Variants in SCMH1 observed in about 807,000 individuals in gnomAD.
SCMH1 encodes the protein polycomb protein SCMH1.
A neutral mutation model predicts 70.8 loss-of-function variants in SCMH1; 37 were observed. The ratio of observed to expected loss-of-function variants is 0.52; its 90% CI spans 0.40 to 0.69. SCMH1 has a LOEUF of 0.69. SCMH1 is among the 30% of genes least tolerant of loss of function. SCMH1 has a pLI of 0.00. For synonymous variants in SCMH1, 292 were observed against 307.4 expected (o/e 0.95, Z 0.52); for missense variants, 607 against 827.3 (o/e 0.73, Z 3.27).
At chr1:41,154,885 C>T (rs1284043027) in intron 4 of SCMH1, among the ~76,000 whole-genome samples, 2 of 152,058 alleles carry the variant, frequency 1.3e-5, no homozygotes, top group Admixed American at 1.3e-4. Flanking sequence ...CCTCTATGTG[C>T]CAGGCAATAT....
chr1:41,197,857 A>G (rs1166846674), intron 1 of SCMH1, among the ~76,000 whole-genome samples: 1 of 152,140 alleles, frequency 6.6e-6, no homozygotes, highest in Non-Finnish European at 1.5e-5. Flanking sequence ...TCCTCTATCA[A>G]CTTTCTTTAT....
At chr1:41,128,467 C>A (rs1673778908) in intron 6 of SCMH1, among the ~76,000 whole-genome samples, 1 of 152,160 alleles carries the variant, frequency 6.6e-6, no homozygotes, top group South Asian at 2.1e-4. Context: ...CCTTTTAGAA[C>A]TTAAAAATGC....
chr1:41,197,705 C>A (rs943930220), intron 1 of SCMH1, among the ~76,000 whole-genome samples: 44 of 150,252 alleles, frequency 2.9e-4, no homozygotes, highest in African/African-American at 8.0e-4. Context: ...TAAAAAAAAA[C>A]AGGCAACAGG....
intron 8 of SCMH1, among the ~76,000 whole-genome samples, chr1:41,105,799 C>A (rs949548777): frequency 6.6e-6 from 1 of 152,104 alleles, no homozygotes; most frequent in Non-Finnish European, 1.5e-5. Flanking sequence ...CTGAATCCGT[C>A]CTTTCATTGT....
chr1:41,233,654 T>A (rs1012710279), intron 1 of SCMH1, among the ~76,000 whole-genome samples: 4 of 152,208 alleles, frequency 2.6e-5, no homozygotes, highest in Admixed American at 6.5e-5. Flanking sequence ...TTCCTTACTG[T>A]AACTTACAGC....
exon 9 of SCMH1, chr1:41,075,373 A>G: frequency 1.9e-6 from 3 of 1,614,018 alleles, no homozygotes; most frequent in Non-Finnish European, 2.5e-6. Flanking sequence ...ATGTTCCAAG[A>G]CAGTTTTGGT....
At chr1:41,155,151 C>G (rs1244827463) in intron 4 of SCMH1, among the ~76,000 whole-genome samples, 2 of 152,076 alleles carry the variant, frequency 1.3e-5, no homozygotes, top group Admixed American at 1.3e-4. Context: ...TTTATAAACT[C>G]TGATGCATAC....
intron 12 of SCMH1, among the ~76,000 whole-genome samples, chr1:41,045,522 A>AG (rs1249701920): frequency 6.6e-6 from 1 of 152,160 alleles, no homozygotes; most frequent in Non-Finnish European, 1.5e-5. Context: ...AAAAGACACC[A>AG]GGGAAGGCAG....
chr1:41,132,036 G>A (rs908512320), intron 6 of SCMH1, among the ~76,000 whole-genome samples: 7 of 152,180 alleles, frequency 4.6e-5, no homozygotes, highest in Non-Finnish European at 1.0e-4. Flanking sequence ...ATAGTAGCAT[G>A]ATTCATAATC....
chr1:41,140,529 G>A (rs1409269569), intron 6 of SCMH1, among the ~76,000 whole-genome samples: 2 of 152,064 alleles, frequency 1.3e-5, no homozygotes, highest in Admixed American at 6.6e-5. Context: ...CTGACCTTGC[G>A]ATCTGCCCGC....
At chr1:41,109,817 G>A (rs760508591) in intron 8 of SCMH1, among the ~76,000 whole-genome samples, 1 of 152,190 alleles carries the variant, frequency 6.6e-6, no homozygotes, top group Non-Finnish European at 1.5e-5. Flanking sequence ...CAGCCAAAAA[G>A]GAATGCATAT....
chr1:41,226,074 C>T (rs1220047028), intron 1 of SCMH1, among the ~76,000 whole-genome samples: 1 of 152,114 alleles, frequency 6.6e-6, no homozygotes, highest in Non-Finnish European at 1.5e-5. Flanking sequence ...TGTTTGTTAC[C>T]TGTTTGCAAA....
intron 1 of SCMH1, among the ~76,000 whole-genome samples, chr1:41,235,133 T>C (rs979296733): frequency 5.3e-5 from 8 of 152,156 alleles, no homozygotes; most frequent in Non-Finnish European, 8.8e-5. Context: ...AATAGGCCAC[T>C]TGAATCTGCC....
chr1:41,086,577 G>A (rs1661735686), intron 8 of SCMH1, among the ~76,000 whole-genome samples: 1 of 149,708 alleles, frequency 6.7e-6, no homozygotes, highest in Non-Finnish European at 1.5e-5. Context: ...TGCCCCTGGA[G>A]CTGGATAAGT....
chr1:41,179,465 C>T (rs575281270), intron 2 of SCMH1, among the ~76,000 whole-genome samples: 11 of 152,022 alleles, frequency 7.2e-5, no homozygotes, highest in Admixed American at 3.9e-4. Context: ...ATTGACAGAC[C>T]GCTAGCAAGA....
chr1:41,078,127 G>A (rs1489885250), intron 8 of SCMH1, among the ~76,000 whole-genome samples: 1 of 152,042 alleles, frequency 6.6e-6, no homozygotes, highest in Non-Finnish European at 1.5e-5. Flanking sequence ...CATTGCATGG[G>A]TTTAAGGACA....
intron 10 of SCMH1, among the ~76,000 whole-genome samples, chr1:41,053,177 C>T (rs1648902262): frequency 6.7e-6 from 1 of 149,414 alleles, no homozygotes; most frequent in Non-Finnish European, 1.5e-5. Flanking sequence ...GCCACTGTGC[C>T]CGGCCAAATT....
chr1:41,190,508 A>G (rs943862760), intron 1 of SCMH1, among the ~76,000 whole-genome samples: 1 of 152,220 alleles, frequency 6.6e-6, no homozygotes, highest in Non-Finnish European at 1.5e-5. Flanking sequence ...GTGAAAGCAG[A>G]GGTAAAATAA....
chr1:41,178,194 A>AT (rs1407849262), intron 2 of SCMH1, among the ~76,000 whole-genome samples: 2 of 152,220 alleles, frequency 1.3e-5, no homozygotes, highest in African/African-American at 4.8e-5. Flanking sequence ...ATGCTGAGAG[A>AT]TTTTGTCACC....
Sources: allele counts gnomAD v4.1 joint callset (sites outside exome capture counted in the v4.1 genomes callset), GRCh38; gene constraint gnomAD v4.1.1; transcripts MANE v1.5; gene names NCBI Gene and HGNC (gene_info 2026-07-23, HGNC 2026-07-21).